UBE2E2: variants seen among roughly 807,000 people sequenced by gnomAD.
UBE2E2 encodes the protein ubiquitin-conjugating enzyme E2 E2.
A neutral mutation model predicts 24.7 loss-of-function variants in UBE2E2; 6 were observed. That is an observed-to-expected ratio of 0.24 (90% confidence interval 0.13 to 0.48). The LOEUF is 0.48. UBE2E2 is among the 20% of genes least tolerant of loss of function. The probability of loss-of-function intolerance (pLI) is 0.99; values close to 1 mark genes in which losing one functional copy is unlikely to be tolerated. For synonymous variants in UBE2E2, 104 were observed against 83.6 expected (o/e 1.24, Z -1.33); for missense variants, 169 against 245.0 (o/e 0.69, Z 2.07).
At chr3:23,217,210 T>TGTTAAGAGTGA in intron 2 of UBE2E2, 52 bp from the exon 3 acceptor site, 1 of 1,477,294 alleles carries the variant, frequency 6.8e-7, no homozygotes, top group Non-Finnish European at 9.4e-7. Context: ...TGAAATAAAT[T>TGTTAAGAGTGA]GTTAAGAGTG....
chr3:23,557,085 A>G (rs1286359138), intron 5 of UBE2E2, among the ~76,000 whole-genome samples: 2 of 152,234 alleles, frequency 1.3e-5, no homozygotes, highest in African/African-American at 2.4e-5. Flanking sequence ...TGAGCTATCC[A>G]TACATTTAAG....
intron 3 of UBE2E2, among the ~76,000 whole-genome samples, chr3:23,315,303 A>AGTTTTTT (rs1157915846): frequency 7.5e-6 from 1 of 133,106 alleles, no homozygotes. Context: ...GGTGTGCTTC[A>AGTTTTTT]TTTTTTTTTT....
chr3:23,499,626 C>A lies in UBE2E2; in HGVS notation c.246C>A (p.Asp82Glu). ...ATTTCAGTGCTGGACCCAAAGGAGA[C>A]AACATTTATGAATGGAGGTCAACTA... ...PPNCSAGPKG[D>E]NIYEWRSTIL... Residue 82 changes from aspartate to glutamate, a missense_variant, in exon 4 of 6, where the codon GAC becomes GAA. Around this residue, in one of 2 missense-constraint regions of UBE2E2, gnomAD observed 105 missense variants for 180.7 expected, o/e 0.58. Coordinates refer to ENST00000396703, the MANE Select transcript of UBE2E2 (RefSeq NM_152653.4). 1 of 1,613,420 alleles carries A rather than the reference C, an allele frequency of 6.2e-7. No homozygotes were observed. Among genetic ancestry groups the A allele is most frequent in the Non-Finnish European group, 8.5e-7 (1 of 1,179,730 alleles).
At chr3:23,468,534 T>A (rs1698970758) in intron 3 of UBE2E2, among the ~76,000 whole-genome samples, 1 of 152,214 alleles carries the variant, frequency 6.6e-6, no homozygotes, top group Non-Finnish European at 1.5e-5. Context: ...AGTACAATAC[T>A]AACTACCCAG....
In UBE2E2 at chr3:23,257,512, G is replaced by GC. The variant is rs5847227; in HGVS notation, c.227+40216dup. On this transcript the variant is annotated intron_variant, in intron 3 of 5. Coordinates refer to ENST00000396703, the MANE Select transcript of UBE2E2 (RefSeq NM_152653.4). ...GGAATTTCTTCTGGCTGTTTCCCGT[G>GC]CCCCCCCCCCCCCCCCACTTTTTTT... Among the ~76,000 whole-genome samples, 45 of 31,152 alleles carry GC rather than the reference G, an allele frequency of 1.4e-3. 1 individual carries two copies. The highest frequency in any genetic ancestry group is 4.0e-3 in the Admixed American group (5 of 1,258). The allele number at this position is 31,152 out of a possible 152,430, so 20.4% of individuals were successfully genotyped here.
intron 3 of UBE2E2, among the ~76,000 whole-genome samples, chr3:23,398,312 C>CAATA (rs1697129235): frequency 1.8e-5 from 2 of 109,736 alleles, no homozygotes; most frequent in Non-Finnish European, 3.5e-5. Flanking sequence ...GACTCCATCT[C>CAATA]AAAAAAAAAA....
intron 3 of UBE2E2, among the ~76,000 whole-genome samples, chr3:23,478,894 A>ATTT (rs746397316): frequency 2.4e-4 from 7 of 28,714 alleles, no homozygotes; most frequent in African/African-American, 3.6e-4. Flanking sequence ...ATATATATAT[A>ATTT]TATTTTTTTT....
At chr3:23,487,778 G>A (rs137955157) in intron 3 of UBE2E2, among the ~76,000 whole-genome samples, 99 of 152,206 alleles carry the variant, frequency 6.5e-4, no homozygotes, top group Admixed American at 2.4e-3. Context: ...CCATGTTACG[G>A]TAATAGATTC....
intron 5 of UBE2E2, among the ~76,000 whole-genome samples, chr3:23,549,899 G>A (rs1695604945): frequency 6.6e-6 from 1 of 152,016 alleles, no homozygotes; most frequent in African/African-American, 2.4e-5. Context: ...TGAGCGTGGT[G>A]GGAGGTACTG....
intron 5 of UBE2E2, among the ~76,000 whole-genome samples, chr3:23,535,046 A>G (rs1284583203): frequency 1.3e-5 from 2 of 152,232 alleles, no homozygotes; most frequent in South Asian, 2.1e-4. Flanking sequence ...GATGTTCTTT[A>G]GGGTATGACT....
chr3:23,573,394 C>T (rs1696270423), intron 5 of UBE2E2, among the ~76,000 whole-genome samples: 2 of 151,982 alleles, frequency 1.3e-5, no homozygotes, highest in Non-Finnish European at 2.9e-5. Flanking sequence ...TATATTTGGC[C>T]AGAGACATCA....
At chr3:23,412,396 G>C (rs1697514411) in intron 3 of UBE2E2, among the ~76,000 whole-genome samples, 1 of 151,868 alleles carries the variant, frequency 6.6e-6, no homozygotes, top group South Asian at 2.1e-4. Flanking sequence ...AGACTAAATT[G>C]GTTTCAGAGC....
rs1553609095 is a variant in UBE2E2 at position 23,407,687 on chromosome 3, G to GTGTA, written c.228-91920_228-91917dup. Among the ~76,000 whole-genome samples, 12 of 143,188 alleles carry GTGTA rather than the reference G, an allele frequency of 8.4e-5. No individual in the cohort carries two copies. The highest frequency in any genetic ancestry group is 2.4e-4 in the African/African-American group (9 of 37,848). The allele number at this position is 143,188 out of a possible 152,430, so 93.9% of individuals were successfully genotyped here. A position where few individuals can be genotyped will look rare whatever the true frequency, so the allele number is the denominator to read the frequency against. On this transcript the variant is annotated intron_variant, in intron 3 of 5. Transcript: ENST00000396703. The surrounding 1 kb of genome is among the most constrained non-coding windows in gnomAD (Gnocchi z 4.0). ...TGTGTGTGTGTGTGTGTGTGTGTGT[G>GTGTA]TGTAGTATTTCAGAGAAAATCCCAG...
intron 3 of UBE2E2, among the ~76,000 whole-genome samples, chr3:23,236,561 T>TA (rs1697119082): frequency 6.6e-6 from 1 of 151,820 alleles, no homozygotes; most frequent in Admixed American, 6.6e-5. Flanking sequence ...TCTCTTACTA[T>TA]AGATTATTTC....
chr3:23,205,586 T>C (rs1696125409), intron 1 of UBE2E2, among the ~76,000 whole-genome samples: 1 of 152,200 alleles, frequency 6.6e-6, no homozygotes, highest in African/African-American at 2.4e-5. Flanking sequence ...ATTATTGATA[T>C]TTGAAAAAGA....
chr3:23,431,742 ATATT>A (rs1289020083), intron 3 of UBE2E2, among the ~76,000 whole-genome samples: 1 of 152,194 alleles, frequency 6.6e-6, no homozygotes, highest in Non-Finnish European at 1.5e-5. Flanking sequence ...AAACCACTAT[ATATT>A]AGTTTGCATT....
At chr3:23,568,347 G>A (rs919765900) in intron 5 of UBE2E2, among the ~76,000 whole-genome samples, 3 of 152,072 alleles carry the variant, frequency 2.0e-5, no homozygotes, top group African/African-American at 4.8e-5. Flanking sequence ...AGTTACTAGT[G>A]GGTGGACTAC....
intron 3 of UBE2E2, among the ~76,000 whole-genome samples, chr3:23,236,635 G>A (rs544911398): frequency 6.6e-6 from 1 of 152,114 alleles, no homozygotes; most frequent in South Asian, 2.1e-4. Context: ...CCCATCTCTG[G>A]AACACATAAT....
intron 3 of UBE2E2, among the ~76,000 whole-genome samples, chr3:23,275,535 G>A (rs990103919): frequency 1.2e-4 from 18 of 152,156 alleles, no homozygotes; most frequent in Admixed American, 6.5e-4. Flanking sequence ...TTTTTAGGGA[G>A]GACCCGTAAG....
Sources: gnomAD v4.1 joint callset for allele counts (sites outside exome capture counted in the v4.1 genomes callset) on GRCh38, gnomAD v4.1.1 for gene constraint, gnomAD v4.1.1 regional missense constraint, Gnocchi (gnomAD v3.1) non-coding constraint, MANE v1.5 for transcripts, NCBI Gene and HGNC (gene_info 2026-07-23, HGNC 2026-07-21) for gene names.